PGK1: variants seen among roughly 807,000 people sequenced by gnomAD.
PGK1 encodes PRP 2.
PGK1 carries 3 observed loss-of-function variants against 26.9 expected under a neutral mutation model. That is an observed-to-expected ratio of 0.11 (90% CI 0.05 to 0.29). The LOEUF (loss-of-function observed/expected upper bound fraction) is 0.29, where lower values mean the gene tolerates loss of function less well. Ranked by LOEUF, PGK1 falls within the 10% of genes least tolerant of loss-of-function variation. PGK1 has a pLI of 1.00. For synonymous variants in PGK1, 125 were observed against 115.3 expected, an observed-to-expected ratio of 1.08 and a Z score of -0.54; for missense variants, 270 against 314.7, an observed-to-expected ratio of 0.86 and a Z score of 1.07.
chrX:78,114,656 A>C (rs1170520478), intron 4 of PGK1, among the ~76,000 whole-genome samples: 3 of 109,308 alleles, frequency 2.7e-5, no homozygotes, highest in Non-Finnish European at 5.7e-5. Context: ...GTTGGTCTTT[A>C]GAGCTCAGCC....
chrX:78,108,229 A>G (rs1557246464), intron 1 of PGK1, among the ~76,000 whole-genome samples: 1 of 112,012 alleles, frequency 8.9e-6, no homozygotes, highest in Admixed American at 9.4e-5. Context: ...TCCTCCCTGT[A>G]AGGGTTGGGG....
At chrX:78,120,403 T>C in intron 6 of PGK1, among the ~76,000 whole-genome samples, 1 of 110,388 alleles carries the variant, frequency 9.1e-6, no homozygotes, top group Non-Finnish European at 1.9e-5. Flanking sequence ...ACAAGTGAAA[T>C]AAATATGTGT....
Position 78,104,331 on chromosome X carries a change from T to C in PGK1, c.-10T>C, listed in dbSNP as rs2078257359. ...AATCACCGACCTCTCTCCCCAGCTG[T>C]ATTTCCAAAATGTCGCTTTCTAACA... is the stretch of plus-strand genomic sequence containing the variant. On this transcript the variant is annotated 5_prime_UTR_variant, in exon 1 of 11. Transcript: ENST00000373316. 2 of 1,189,580 alleles carry C rather than the reference T, an allele frequency of 1.7e-6. No homozygotes were observed. The highest frequency in any genetic ancestry group is 2.2e-5 in the Admixed American group (1 of 45,925).
chrX:78,106,327 G>A (rs2078272425), intron 1 of PGK1: 1 of 613,334 alleles, frequency 1.6e-6, no homozygotes, highest in Non-Finnish European at 2.0e-6. Context: ...TCGAGACAAT[G>A]ACCAAGGATA....
At chrX:78,123,053 C>G (rs1157278556) in intron 7 of PGK1, 104 bp downstream of exon 7, 8 of 725,567 alleles carry the variant, frequency 1.1e-5, no homozygotes, top group Non-Finnish European at 1.7e-5. Context: ...CCTGAAAATT[C>G]CCATTTTTAT....
At chrX:78,117,032 G>A (rs2078329788) in intron 4 of PGK1, among the ~76,000 whole-genome samples, 2 of 111,878 alleles carry the variant, frequency 1.8e-5, no homozygotes, top group Admixed American at 9.5e-5. Flanking sequence ...GGAGAGGCTA[G>A]TGGGGTGTGG....
chrX:78,104,486 G>T, intron 1 of PGK1, 81 bp downstream of exon 1: 1 of 776,439 alleles, frequency 1.3e-6, no homozygotes, highest in Middle Eastern at 2.9e-4. Flanking sequence ...TCTCTCGTCT[G>T]CTCTAAGTTC....
At chrX:78,106,155 A>G (rs909290997) in intron 1 of PGK1, among the ~76,000 whole-genome samples, 3 of 111,529 alleles carry the variant, frequency 2.7e-5, no homozygotes, top group Middle Eastern at 4.6e-3. Flanking sequence ...GACCTAATAA[A>G]GTTTCATTTA....
At chrX:78,109,826 G>C in intron 1 of PGK1, 41 bp from the exon 2 acceptor site, 1 of 978,829 alleles carries the variant, frequency 1.0e-6, no homozygotes, top group Non-Finnish European at 1.5e-6. Context: ...GTCTTTGATG[G>C]AACAGTAAGT....
chrX:78,127,543 A>G lies in PGK1; in HGVS notation c.*1713A>G, dbSNP rs1268797539. ...GGACAGGACCACAGAGCTAGTAAGT[A>G]ACAGCAGGGATTCAAGTCCAGGTTT... is the stretch of plus-strand genomic sequence containing the variant. On this transcript the variant is annotated 3_prime_UTR_variant, in exon 11 of 11. Transcript: ENST00000373316. The G allele has an allele frequency of 8.9e-6, 1 of 111,930 alleles. No individual in the cohort carries two copies. Among genetic ancestry groups the G allele is most frequent in the Non-Finnish European group, 1.9e-5 (1 of 53,213 alleles). 9.2% of individuals were successfully genotyped at this position (111,930 alleles called of 1,213,427 possible). A position where few individuals can be genotyped will look rare whatever the true frequency, so the allele number is the denominator to read the frequency against.
Position 78,109,895 on chromosome X carries a change from A to G in PGK1, c.94A>G (p.Asn32Asp), listed in dbSNP as rs782747270. 1 of 1,197,957 alleles carries G rather than the reference A, an allele frequency of 8.3e-7. No individual in the cohort carries two copies. The highest frequency in any genetic ancestry group is 1.8e-5 in the South Asian group (1 of 56,655). Residue 32 changes from asparagine to aspartate, a missense_variant, in exon 2 of 11, where the codon AAC becomes GAC. This residue lies in a region of PGK1 where 150 missense variants were observed against 154.6 expected (regional missense o/e 0.97). Coordinates refer to ENST00000373316, the MANE Select transcript of PGK1 (RefSeq NM_000291.4). Reference protein sequence around the residue: ...RVDFNVPMKNNQITNNQRIKA... With the variant: ...RVDFNVPMKNDQITNNQRIKA... ...CGACTTCAATGTTCCTATGAAGAAC[A>G]ACCAGATAACAAACAACCAGAGGTA...
In PGK1 at chrX:78,126,210, T is replaced by A. The variant is rs1557248690; in HGVS notation, c.*380T>A. ...TGGAAACAAGATGAAATTCCATTTG[T>A]AGGTAGTGAGACAAAATTGATGATC... On this transcript the variant is annotated 3_prime_UTR_variant, in exon 11 of 11. Coordinates refer to ENST00000373316, the MANE Select transcript of PGK1 (RefSeq NM_000291.4). 1 of 185,276 alleles carries A rather than the reference T, an allele frequency of 5.4e-6. No homozygotes were observed. Among genetic ancestry groups the A allele is most frequent in the Non-Finnish European group, 1.0e-5 (1 of 98,411 alleles). 15.3% of individuals were successfully genotyped at this position (185,276 alleles called of 1,213,427 possible). A position where few individuals can be genotyped will look rare whatever the true frequency, so the allele number is the denominator to read the frequency against.
At chrX:78,116,002 C>G (rs1316151072) in intron 4 of PGK1, among the ~76,000 whole-genome samples, 1 of 109,137 alleles carries the variant, frequency 9.2e-6, no homozygotes, top group Non-Finnish European at 1.9e-5. Context: ...GCACATACCA[C>G]CATGTCCAAC....
At chrX:78,109,939 G>C (rs782000111) in intron 2 of PGK1, 22 bp downstream of exon 2, 27 of 1,088,234 alleles carry the variant, frequency 2.5e-5, no homozygotes, top group Non-Finnish European at 3.4e-5. Flanking sequence ...GCTAATCCTT[G>C]GGCTGGGTTT....
intron 1 of PGK1, among the ~76,000 whole-genome samples, chrX:78,104,900 G>A (rs782374090): frequency 1.2e-4 from 13 of 111,358 alleles, no homozygotes; most frequent in Non-Finnish European, 2.5e-4. Context: ...TTAACTTCAG[G>A]AGTAGACCCC....
rs1444612281 is a variant in PGK1, at chrX:78,106,697, T to A, written c.65+2292T>A. On this transcript the variant is annotated intron_variant, in intron 1 of 10. Coordinates refer to ENST00000373316, the MANE Select transcript of PGK1 (RefSeq NM_000291.4). ...GTAACATGGGATAGCCAGAAACCTC[T>A]GACTTGTTAATTACCAGGTTCCATC... The A allele has an allele frequency of 1.1e-5, 8 of 701,198 alleles. No homozygotes were observed. The African/African-American group carries it at 1.9e-4, about 17-fold the overall frequency. The allele number at this position is 701,198 out of a possible 1,213,427, so 57.8% of individuals were successfully genotyped here. A position where few individuals can be genotyped will look rare whatever the true frequency, so the allele number is the denominator to read the frequency against.
rs782354903 is a variant in PGK1, at chrX:78,104,555, G to C, written c.65+150G>C. The stretch of plus-strand genomic sequence containing the variant: ...GCTTGGAGGGCGAGGCTGCTCACGG[G>C]TTTGGTGGTTTCTAGCCGCATTTTC... On this transcript the variant is annotated intron_variant, in intron 1 of 10. Coordinates refer to ENST00000373316, the MANE Select transcript of PGK1 (RefSeq NM_000291.4). 155 of 526,476 alleles carry C rather than the reference G, an allele frequency of 2.9e-4. 1 individual carries two copies. The African/African-American group carries it at 3.3e-3, about 11-fold the overall frequency. The allele number at this position is 526,476 out of a possible 1,213,427, so 43.4% of individuals were successfully genotyped here.
chrX:78,114,099 T>C lies in PGK1; in HGVS notation c.356T>C (p.Leu119Pro), dbSNP rs200351737. The stretch of plus-strand genomic sequence containing the variant: ...CCAGCTGCTGGGTCTGTCATCCTGC[T>C]GGAGAACCTCCGCTTTCATGTGGAG... ...ANPAAGSVIL[L>P]ENLRFHVEEE... The change falls in exon 4 of 11, where the codon CTG (leucine) becomes CCG (proline). Residue 119 changes from leucine to proline, a missense_variant. This residue lies in a region of PGK1 where 150 missense variants were observed against 154.6 expected (regional missense o/e 0.97). Coordinates refer to ENST00000373316, the MANE Select transcript of PGK1 (RefSeq NM_000291.4). 399 of 1,208,593 alleles carry C rather than the reference T, an allele frequency of 3.3e-4. 2 individuals are homozygous for C. Among genetic ancestry groups the C allele is most frequent in the Non-Finnish European group, 9.7e-5 (87 of 893,851 alleles).
rs1028162313 is a variant in PGK1 at position 78,126,045 on chromosome X, T to C, written c.*215T>C. 4 of 456,156 alleles carry C rather than the reference T, an allele frequency of 8.8e-6. No individual in the cohort carries two copies. Among genetic ancestry groups the C allele is most frequent in the African/African-American group, 2.4e-5 (1 of 41,620 alleles). 37.6% of individuals were successfully genotyped at this position (456,156 alleles called of 1,213,427 possible). A position where few individuals can be genotyped will look rare whatever the true frequency, so the allele number is the denominator to read the frequency against. ...ATTCTTCAAGATCCCATTTGAATTT[T>C]TTAGTGACTAAACCATTGTGCATTC... is the stretch of plus-strand genomic sequence containing the variant. On this transcript the variant is annotated 3_prime_UTR_variant, in exon 11 of 11. Coordinates refer to ENST00000373316, the MANE Select transcript of PGK1 (RefSeq NM_000291.4).
Sources: gnomAD v4.1 joint callset for allele counts (sites outside exome capture counted in the v4.1 genomes callset) on GRCh38, gnomAD v4.1.1 for gene constraint, gnomAD v4.1.1 regional missense constraint, MANE v1.5 for transcripts, NCBI Gene and HGNC (gene_info 2026-07-23, HGNC 2026-07-21) for gene names.